Variants in ZSWIM6 observed in about 807,000 individuals in gnomAD.
The protein encoded by ZSWIM6 is zinc finger SWIM domain-containing protein 6.
A neutral mutation model predicts 113.2 loss-of-function variants in ZSWIM6; 9 were observed. The observed-to-expected ratio is 0.08, with a 90% CI of 0.05 to 0.14. The LOEUF (loss-of-function observed/expected upper bound fraction) is 0.14. Ranked by LOEUF, ZSWIM6 falls within the 10% of genes least tolerant of loss-of-function variation. The pLI is 1.00. For missense variants in ZSWIM6, 1,162 were observed against 1,552.2 expected, an observed-to-expected ratio of 0.75 and a Z score of 4.22; for synonymous variants, 611 against 606.5, an observed-to-expected ratio of 1.01 and a Z score of -0.11.
intron 1 of ZSWIM6, among the ~76,000 whole-genome samples, chr5:61,427,052 C>G (rs1459455859): frequency 1.3e-5 from 2 of 152,190 alleles, no homozygotes; most frequent in Non-Finnish European, 2.9e-5. Flanking sequence ...AAGACCATGA[C>G]TATATCTTGC....
chr5:61,384,999 G>A (rs1377852671), intron 1 of ZSWIM6, among the ~76,000 whole-genome samples: 1 of 152,180 alleles, frequency 6.6e-6, no homozygotes, highest in African/African-American at 2.4e-5. Context: ...GGCGGAGGTT[G>A]CAGTGAGCTG....
chr5:61,465,804 A>G (rs1747421081), intron 1 of ZSWIM6, among the ~76,000 whole-genome samples: 1 of 152,212 alleles, frequency 6.6e-6, no homozygotes, highest in Non-Finnish European at 1.5e-5. Context: ...ATTGAGTTCT[A>G]AATAGGCATT....
chr5:61,388,013 T>G (rs1282345983), intron 1 of ZSWIM6, among the ~76,000 whole-genome samples: 1 of 146,614 alleles, frequency 6.8e-6, no homozygotes, highest in Non-Finnish European at 1.5e-5. Context: ...GATGGAGTCT[T>G]GCTCTGTTGC....
At chr5:61,462,629 C>T (rs1374536173) in intron 1 of ZSWIM6, among the ~76,000 whole-genome samples, 2 of 152,208 alleles carry the variant, frequency 1.3e-5, no homozygotes, top group South Asian at 2.1e-4. Context: ...TGCACTTACA[C>T]TAACGGGCTA....
intron 1 of ZSWIM6, among the ~76,000 whole-genome samples, chr5:61,337,790 C>T (rs1396377884): frequency 6.6e-6 from 1 of 152,096 alleles, no homozygotes; most frequent in Non-Finnish European, 1.5e-5. Flanking sequence ...GGGTATTTTT[C>T]GAGAAAAGCA....
intron 1 of ZSWIM6, among the ~76,000 whole-genome samples, chr5:61,359,208 G>A (rs1039066071): frequency 2.6e-5 from 4 of 152,062 alleles, no homozygotes; most frequent in Non-Finnish European, 4.4e-5. Context: ...ACCAAAGGGG[G>A]AGTTTGGGGA....
chr5:61,516,768 TCC>T (rs1748956717), intron 4 of ZSWIM6, among the ~76,000 whole-genome samples: 1 of 151,890 alleles, frequency 6.6e-6, no homozygotes, highest in Admixed American at 6.6e-5. Context: ...TTCCTGAACT[TCC>T]AAGTTTCCTT....
At chr5:61,378,083 G>A (rs1394279092) in intron 1 of ZSWIM6, among the ~76,000 whole-genome samples, 1 of 152,186 alleles carries the variant, frequency 6.6e-6, no homozygotes, top group East Asian at 1.9e-4. Flanking sequence ...TCTTTATGGA[G>A]GATAATTTTA....
chr5:61,514,806 A>T (rs1194773448), intron 4 of ZSWIM6, among the ~76,000 whole-genome samples: 4 of 152,088 alleles, frequency 2.6e-5, no homozygotes, highest in Non-Finnish European at 5.9e-5. Flanking sequence ...TTCTATGCTC[A>T]TGAGGGATAT....
chr5:61,532,508 T>C (rs184585388), intron 9 of ZSWIM6, among the ~76,000 whole-genome samples: 1 of 152,328 alleles, frequency 6.6e-6, no homozygotes, highest in Admixed American at 6.5e-5. Flanking sequence ...TTCTCTGTGA[T>C]TGATAGCCTC....
At chr5:61,506,114 A>C (rs1287314435) in intron 4 of ZSWIM6, among the ~76,000 whole-genome samples, 1 of 152,156 alleles carries the variant, frequency 6.6e-6, no homozygotes, top group Non-Finnish European at 1.5e-5. Flanking sequence ...AACTTGGTTA[A>C]GTGATAACCA....
chr5:61,333,296 C>T (rs905336761), intron 1 of ZSWIM6, among the ~76,000 whole-genome samples: 71 of 151,684 alleles, frequency 4.7e-4, no homozygotes, highest in Admixed American at 1.8e-3. Context: ...GACAAAGGCG[C>T]GGGCGGACGG....
intron 1 of ZSWIM6, among the ~76,000 whole-genome samples, chr5:61,333,889 C>T (rs1744326530): frequency 6.6e-6 from 1 of 152,028 alleles, no homozygotes; most frequent in African/African-American, 2.4e-5. Flanking sequence ...GCGGATTTGC[C>T]GCTCGCAGCC....
Position 61,526,098 on chromosome 5 carries a change from A to G in ZSWIM6, c.1690+122A>G, listed in dbSNP as rs1207436051. ...ATGGGAGATGGATGAATGCTTGGCAATAGGAGCTGAGATTTTCATTCAAAT... is the reference window on the plus strand; with the variant it reads ...ATGGGAGATGGATGAATGCTTGGCAGTAGGAGCTGAGATTTTCATTCAAAT... On this transcript the variant is annotated intron_variant, in intron 6 of 13. Transcript: ENST00000252744. 8 of 1,413,306 alleles carry G rather than the reference A, an allele frequency of 5.7e-6. No homozygotes were observed. In the Admixed American group the frequency reaches 1.7e-4, roughly 30 times the overall value. 87.5% of individuals were successfully genotyped at this position (1,413,306 alleles called of 1,614,324 possible).
chr5:61,392,512 G>C (rs561031531), intron 1 of ZSWIM6, among the ~76,000 whole-genome samples: 1 of 152,174 alleles, frequency 6.6e-6, no homozygotes, highest in Non-Finnish European at 1.5e-5. Context: ...TAATATGCAC[G>C]CATGTGTGCT....
At chr5:61,374,688 G>A (rs1167494085) in intron 1 of ZSWIM6, among the ~76,000 whole-genome samples, 2 of 152,076 alleles carry the variant, frequency 1.3e-5, no homozygotes, top group African/African-American at 4.8e-5. Context: ...CGAGTAGCTG[G>A]GACTACAGGC....
chr5:61,361,713 G>A (rs1050599178), intron 1 of ZSWIM6, among the ~76,000 whole-genome samples: 43 of 152,204 alleles, frequency 2.8e-4, no homozygotes, highest in African/African-American at 9.9e-4. Context: ...AACGACAGGG[G>A]CTCAGGATAA....
intron 1 of ZSWIM6, among the ~76,000 whole-genome samples, chr5:61,385,884 C>T (rs1244236154): frequency 3.9e-5 from 6 of 152,248 alleles, no homozygotes; most frequent in African/African-American, 1.2e-4. Context: ...GACTCATGGC[C>T]AGCTTTGGAT....
intron 4 of ZSWIM6, among the ~76,000 whole-genome samples, chr5:61,505,297 A>C (rs2112235762): frequency 6.6e-6 from 1 of 152,310 alleles, no homozygotes; most frequent in South Asian, 2.1e-4. Flanking sequence ...ATAAGAAAGC[A>C]TCTATCATTG....
Sources: gnomAD v4.1 joint callset for allele counts (sites outside exome capture counted in the v4.1 genomes callset) on GRCh38, gnomAD v4.1.1 for gene constraint, MANE v1.5 for transcripts, NCBI Gene and HGNC (gene_info 2026-07-23, HGNC 2026-07-21) for gene names.